The following ELFN2 variants were observed in gnomAD, a reference collection of about 807,000 sequenced individuals.
The protein encoded by ELFN2 is protein phosphatase 1 regulatory subunit 29.
In ELFN2, 17 loss-of-function variants were observed where a neutral mutation model predicts 45.5. That is an observed-to-expected ratio of 0.37 (90% CI 0.26 to 0.56). The LOEUF is 0.56. Among genes scored for constraint, ELFN2 ranks in the 20% least tolerant of loss-of-function variants. The pLI, the probability that ELFN2 is intolerant of heterozygous loss-of-function variation, is 0.77. For synonymous variants in ELFN2, 550 were observed against 551.5 expected (o/e 1.00, Z 0.04); for missense variants, 922 against 1,183.2 (o/e 0.78, Z 3.24).
At chr22:37,343,551 GC>G in intron 1 of ELFN2, among the ~76,000 whole-genome samples, 1 of 152,162 alleles carries the variant, frequency 6.6e-6, no homozygotes, top group Admixed American at 6.5e-5. Context: ...ACCTTGGCCA[GC>G]TTCCCTCATT....
intron 2 of ELFN2, among the ~76,000 whole-genome samples, chr22:37,379,931 C>A (rs1174928924): frequency 6.6e-6 from 1 of 152,188 alleles, no homozygotes; most frequent in Non-Finnish European, 1.5e-5. Flanking sequence ...ACCCCTGCCC[C>A]CCCTCGGAGG....
chr22:37,411,706 T>C (rs1226899047), intron 2 of ELFN2, among the ~76,000 whole-genome samples: 1 of 152,148 alleles, frequency 6.6e-6, no homozygotes, highest in Non-Finnish European at 1.5e-5. Context: ...GGCTATGGGT[T>C]CTCAGTAGCT....
intron 2 of ELFN2, among the ~76,000 whole-genome samples, chr22:37,409,677 A>G (rs12628381): frequency 0.21 from 31,974 of 152,180 alleles, 5,402 homozygotes; most frequent in African/African-American, 0.47. Flanking sequence ...AGTGGGTGAA[A>G]GTAGAAAAAG....
intron 2 of ELFN2, among the ~76,000 whole-genome samples, chr22:37,400,476 G>T (rs938931900): frequency 4.6e-5 from 7 of 152,232 alleles, no homozygotes; most frequent in African/African-American, 1.7e-4. Flanking sequence ...CCTAGCAGGT[G>T]CCTGGTGACC....
chr22:37,374,979 G>T lies in ELFN2; in HGVS notation c.556C>A (p.Pro186Thr), dbSNP rs748525301. 1.2e-6 allele frequency: 2 copies of T among 1,613,156 alleles called. No individual in the cohort carries two copies. The change falls in exon 3 of 3, where the codon CCC becomes ACC. Residue 186 changes from proline to threonine, a missense_variant. Pro to Thr is a conservative substitution (Grantham distance 38). This residue lies in a region of ELFN2 where 358 missense variants were observed against 540.4 expected (regional missense o/e 0.66). Coordinates refer to ENST00000402918, the MANE Select transcript of ELFN2 (RefSeq NM_052906.5). ...AAGAGGTCGCACTCACAGTTGAAGGGGTTGCCGGCCAGCTCACACACCATC... is the reference window on the plus strand; with the variant it reads ...AAGAGGTCGCACTCACAGTTGAAGGTGTTGCCGGCCAGCTCACACACCATC... ...SLMVCELAGN[P>T]FNCECDLFGF... is the part of the protein sequence containing the mutation.
chr22:37,372,919 GGT>G lies in ELFN2; in HGVS notation c.*151_*152del, dbSNP rs952571889. On this transcript the variant is annotated 3_prime_UTR_variant, in exon 3 of 3. Coordinates refer to ENST00000402918, the MANE Select transcript of ELFN2 (RefSeq NM_052906.5). The surrounding 1 kb of genome is among the most constrained non-coding windows in gnomAD (Gnocchi z 4.4). ...TTTGTTCACAGTCGGGTGGTGGTCA[GGT>G]GTGTGTGTGCGTGCGTGCGTGCGGG... The G allele has an allele frequency of 2.4e-5, 18 of 747,508 alleles. No individual in the cohort carries two copies. Among genetic ancestry groups the G allele is most frequent in the South Asian group, 3.8e-5 (2 of 52,592 alleles). 46.3% of individuals were successfully genotyped at this position (747,508 alleles called of 1,614,324 possible).
intron 2 of ELFN2, among the ~76,000 whole-genome samples, chr22:37,396,044 G>C (rs968714835): frequency 1.3e-5 from 2 of 152,154 alleles, no homozygotes; most frequent in Non-Finnish European, 2.9e-5. Context: ...CCCCGGAAGG[G>C]GCTGCATCCA....
At chr22:37,413,467 T>C (rs1932702854) in intron 2 of ELFN2, among the ~76,000 whole-genome samples, 1 of 150,532 alleles carries the variant, frequency 6.6e-6, no homozygotes, top group African/African-American at 2.5e-5. Context: ...GAGGCTGAGA[T>C]GAGTGGATCA....
At chr22:37,383,115 T>A (rs978167334) in intron 2 of ELFN2, among the ~76,000 whole-genome samples, 18 of 152,076 alleles carry the variant, frequency 1.2e-4, no homozygotes, top group African/African-American at 4.3e-4. Flanking sequence ...GCTGCCCGGG[T>A]CATGCTTGCT....
intron 1 of ELFN2, among the ~76,000 whole-genome samples, chr22:37,343,455 C>G (rs890170400): frequency 2.6e-5 from 4 of 152,116 alleles, no homozygotes; most frequent in African/African-American, 9.7e-5. Context: ...CTCTCCCACT[C>G]CAGGCTGCCT....
At chr22:37,385,644 A>T (rs1472379878) in intron 2 of ELFN2, among the ~76,000 whole-genome samples, 6 of 152,116 alleles carry the variant, frequency 3.9e-5, no homozygotes, top group Non-Finnish European at 7.4e-5. Context: ...CAAGGGGGGA[A>T]CCCCAGAGTG....
chr22:37,378,710 G>A (rs1398325473), intron 2 of ELFN2, among the ~76,000 whole-genome samples: 4 of 152,250 alleles, frequency 2.6e-5, no homozygotes, highest in Non-Finnish European at 5.9e-5. Context: ...AGACGGAGTT[G>A]GGAGGAGGCT....
chr22:37,384,163 A>G (rs1931870668), intron 2 of ELFN2, among the ~76,000 whole-genome samples: 1 of 152,020 alleles, frequency 6.6e-6, no homozygotes, highest in Admixed American at 6.5e-5. Flanking sequence ...CAGGGGGTGG[A>G]AGGTTTTACC....
chr22:37,378,124 G>A (rs1424569116), intron 2 of ELFN2, among the ~76,000 whole-genome samples: 2 of 152,242 alleles, frequency 1.3e-5, no homozygotes, highest in Admixed American at 6.5e-5. Flanking sequence ...ATGCAGGGGT[G>A]TGCTGACGTG....
chr22:37,348,873 G>A (rs1032115139), intron 1 of ELFN2, among the ~76,000 whole-genome samples: 4 of 150,824 alleles, frequency 2.7e-5, no homozygotes, highest in Admixed American at 6.6e-5. Context: ...GCTTGGTGGA[G>A]GTGGCATCAT....
At chr22:37,395,705 T>C (rs561156049) in intron 2 of ELFN2, among the ~76,000 whole-genome samples, 1 of 152,292 alleles carries the variant, frequency 6.6e-6, no homozygotes, top group African/African-American at 2.4e-5. Flanking sequence ...CTGTCAGCAC[T>C]GGCACAATAT....
At chr22:37,344,022 C>T (rs1158983211) in intron 1 of ELFN2, among the ~76,000 whole-genome samples, 26 of 147,520 alleles carry the variant, frequency 1.8e-4, no homozygotes, top group Non-Finnish European at 1.8e-4. Context: ...TGCCTATGCC[C>T]GCCTGCCCAC....
At chr22:37,396,373 G>A (rs28617209) in intron 2 of ELFN2, among the ~76,000 whole-genome samples, 6,942 of 152,230 alleles carry the variant, frequency 0.046, 546 homozygotes, top group African/African-American at 0.16. Flanking sequence ...TGGGGCCAGC[G>A]TGCAGAAGAG....
chr22:37,399,217 C>T (rs184664972), intron 2 of ELFN2, among the ~76,000 whole-genome samples: 19 of 152,244 alleles, frequency 1.2e-4, no homozygotes, highest in Non-Finnish European at 2.2e-4. Context: ...GTCCCATCCC[C>T]GCCCAGTGAG....
Sources: allele counts gnomAD v4.1 joint callset (sites outside exome capture counted in the v4.1 genomes callset), GRCh38; gene constraint gnomAD v4.1.1; regional missense constraint gnomAD v4.1.1; non-coding constraint Gnocchi (gnomAD v3.1); transcripts MANE v1.5; gene names NCBI Gene and HGNC (gene_info 2026-07-23, HGNC 2026-07-21).